CDC42BPB: variants seen among roughly 807,000 people sequenced by gnomAD.
CDC42BPB encodes serine/threonine-protein kinase MRCK beta.
A neutral mutation model predicts 214.9 loss-of-function variants in CDC42BPB; 37 were observed. The ratio of observed to expected loss-of-function variants is 0.17; its 90% confidence interval spans 0.13 to 0.23. The LOEUF (loss-of-function observed/expected upper bound fraction) is 0.23, where lower values mean the gene tolerates loss of function less well. Ranked by LOEUF, CDC42BPB falls within the 10% of genes least tolerant of loss-of-function variation. The pLI is 1.00. For synonymous variants in CDC42BPB, 931 were observed against 884.0 expected, an observed-to-expected ratio of 1.05 and a Z score of -0.94; for missense variants, 1,694 against 2,227.0, an observed-to-expected ratio of 0.76 and a Z score of 4.82.
At chr14:102,951,366 T>C (rs1892482633) in intron 24 of CDC42BPB, among the ~76,000 whole-genome samples, 1 of 152,262 alleles carries the variant, frequency 6.6e-6, no homozygotes, top group Non-Finnish European at 1.5e-5. Flanking sequence ...AGTGCGAGTC[T>C]GGGCTCCAGG....
intron 1 of CDC42BPB, among the ~76,000 whole-genome samples, chr14:103,055,207 G>A (rs1888878241): frequency 6.6e-6 from 1 of 152,234 alleles, no homozygotes; most frequent in Non-Finnish European, 1.5e-5. Context: ...TGGATCACCC[G>A]AGGTCAGGAG....
chr14:102,932,840 CT>C lies in CDC42BPB; in HGVS notation c.*871del, dbSNP rs1305157468. 1 of 140,426 alleles carries C rather than the reference CT, an allele frequency of 7.1e-6. No individual in the cohort carries two copies. The highest frequency in any genetic ancestry group is 2.7e-5 in the African/African-American group (1 of 36,898). The allele number at this position is 140,426 out of a possible 1,614,324, so 8.7% of individuals were successfully genotyped here. ...TGGGTCTACGTGATCATACGGGCTA[CT>C]AATCACGGGGGCTCCATGCGGGGGC... On this transcript the variant is annotated 3_prime_UTR_variant, in exon 37 of 37. Coordinates refer to ENST00000361246, the MANE Select transcript of CDC42BPB (RefSeq NM_006035.4).
intron 1 of CDC42BPB, among the ~76,000 whole-genome samples, chr14:103,050,762 GAA>G (rs201264388): frequency 2.0e-5 from 3 of 146,736 alleles, no homozygotes; most frequent in East Asian, 4.0e-4. Context: ...GTCTTGGGGG[GAA>G]AAAAAAAAAT....
In CDC42BPB at chr14:102,944,358, G is replaced by A. The variant is rs749094142; in HGVS notation, c.3941C>T (p.Ala1314Val). ...HLYPWSSLDG[A>V]EGSFDIKLPE... ...AAGCTTGATGTCAAAGCTGCCTTCC[G>A]CTCCATCAAGGGACGACCACGGATA... Residue 1314 changes from alanine (A) to valine (V), a missense_variant, in exon 30 of 37, where the codon GCG becomes GTG. Coordinates refer to ENST00000361246, the MANE Select transcript of CDC42BPB (RefSeq NM_006035.4). The surrounding 1 kb of genome is among the most constrained non-coding windows in gnomAD (Gnocchi z 6.6). The A allele has an allele frequency of 4.8e-5, 78 of 1,612,702 alleles. 1 individual carries two copies. In the South Asian group the frequency reaches 7.3e-4, roughly 15 times the overall value.
At chr14:102,999,305 G>A (rs1050237353) in intron 5 of CDC42BPB, among the ~76,000 whole-genome samples, 2 of 152,100 alleles carry the variant, frequency 1.3e-5, no homozygotes, top group Non-Finnish European at 2.9e-5. Flanking sequence ...GAGAAGTTGA[G>A]TCAATGTCAA....
intron 20 of CDC42BPB, among the ~76,000 whole-genome samples, chr14:102,961,092 A>G (rs1892935799): frequency 6.6e-6 from 1 of 152,082 alleles, no homozygotes; most frequent in Non-Finnish European, 1.5e-5. Flanking sequence ...ACTTGAGCCC[A>G]GAAAGTTGAG....
At chr14:103,012,692 C>G (rs1886225125) in intron 1 of CDC42BPB, among the ~76,000 whole-genome samples, 1 of 152,062 alleles carries the variant, frequency 6.6e-6, no homozygotes, top group Non-Finnish European at 1.5e-5. Flanking sequence ...GTAATCTCAG[C>G]TACTCAGGAG....
At chr14:103,054,435 T>C (rs1340053624) in intron 1 of CDC42BPB, among the ~76,000 whole-genome samples, 1 of 152,244 alleles carries the variant, frequency 6.6e-6, no homozygotes, top group Non-Finnish European at 1.5e-5. Flanking sequence ...GGACAGCCTA[T>C]ATGTGTTTCC....
intron 5 of CDC42BPB, among the ~76,000 whole-genome samples, chr14:102,987,818 C>CACAA (rs1555390738): frequency 6.6e-6 from 1 of 151,630 alleles, no homozygotes; most frequent in Non-Finnish European, 1.5e-5. Context: ...CACACACACA[C>CACAA]ACACACGGCC....
intron 1 of CDC42BPB, among the ~76,000 whole-genome samples, chr14:103,041,082 T>C (rs1887960340): frequency 1.3e-5 from 2 of 152,186 alleles, no homozygotes; most frequent in Non-Finnish European, 2.9e-5. Flanking sequence ...AAGAGACACA[T>C]ATATTAATGG....
chr14:102,989,562 T>C (rs1894397601), intron 5 of CDC42BPB, among the ~76,000 whole-genome samples: 1 of 152,192 alleles, frequency 6.6e-6, no homozygotes, highest in Non-Finnish European at 1.5e-5. Flanking sequence ...TTCGCAGTAT[T>C]ATGCAAACAT....
chr14:103,000,085 T>C (rs35119047), intron 4 of CDC42BPB, among the ~76,000 whole-genome samples: 191 of 152,328 alleles, frequency 1.3e-3, no homozygotes, highest in African/African-American at 4.2e-3. Flanking sequence ...CCTCATGTTA[T>C]GTGAGGACGA....
intron 23 of CDC42BPB, among the ~76,000 whole-genome samples, chr14:102,953,284 G>C (rs1163910708): frequency 6.6e-6 from 1 of 152,272 alleles, no homozygotes; most frequent in Non-Finnish European, 1.5e-5. Context: ...AGAGCTGTGG[G>C]GGAAGAGGCT....
At chr14:102,949,073 G>A (rs1033734992) in intron 26 of CDC42BPB, among the ~76,000 whole-genome samples, 2 of 152,194 alleles carry the variant, frequency 1.3e-5, no homozygotes, top group South Asian at 2.1e-4. Context: ...CACAACAGAC[G>A]GTGCACGGGC....
At chr14:103,018,704 A>T (rs1012694570) in intron 1 of CDC42BPB, among the ~76,000 whole-genome samples, 5 of 152,334 alleles carry the variant, frequency 3.3e-5, no homozygotes, top group African/African-American at 1.2e-4. Context: ...GGGGCAACGG[A>T]ATCCAATTAC....
chr14:102,976,320 T>C lies in CDC42BPB; in HGVS notation c.1221-271A>G, dbSNP rs182983325. On this transcript the variant is annotated intron_variant, in intron 9 of 36. Transcript: ENST00000361246. ...CTAAATCATCCCCCACACTTAACTA[T>C]AAATGCAAAACCAGAAGGCATGGAT... The C allele has an allele frequency of 3.6e-5, 20 of 554,904 alleles. No individual in the cohort carries two copies. In the East Asian group the frequency reaches 2.6e-3, roughly 73 times the overall value. 34.4% of individuals were successfully genotyped at this position (554,904 alleles called of 1,614,324 possible). A position where few individuals can be genotyped will look rare whatever the true frequency, so the allele number is the denominator to read the frequency against.
intron 4 of CDC42BPB, among the ~76,000 whole-genome samples, chr14:103,003,188 G>A (rs905751856): frequency 1.3e-5 from 2 of 152,142 alleles, no homozygotes; most frequent in African/African-American, 4.8e-5. Context: ...GTCTGCCCGC[G>A]TCACGTCCAC....
chr14:102,993,969 T>C (rs1894610623), intron 5 of CDC42BPB, among the ~76,000 whole-genome samples: 1 of 152,104 alleles, frequency 6.6e-6, no homozygotes, highest in South Asian at 2.1e-4. Context: ...TTCAGAGAAA[T>C]GGAGAAATGA....
intron 1 of CDC42BPB, among the ~76,000 whole-genome samples, chr14:103,025,173 T>A (rs1337204127): frequency 6.6e-6 from 1 of 152,162 alleles, no homozygotes; most frequent in African/African-American, 2.4e-5. Flanking sequence ...TAGTTTAAGG[T>A]GAACTGTGTC....
Sources: allele counts gnomAD v4.1 joint callset (sites outside exome capture counted in the v4.1 genomes callset), GRCh38; gene constraint gnomAD v4.1.1; non-coding constraint Gnocchi (gnomAD v3.1); transcripts MANE v1.5; gene names NCBI Gene and HGNC (gene_info 2026-07-23, HGNC 2026-07-21).